GNAQ: variants seen among roughly 807,000 people sequenced by gnomAD.
GNAQ encodes guanine nucleotide-binding protein G(q) subunit alpha.
GNAQ carries 8 observed loss-of-function variants against 43.9 expected under a neutral mutation model. That is an observed-to-expected ratio of 0.18 (90% CI 0.11 to 0.33). GNAQ has a LOEUF of 0.33. GNAQ is among the 10% of genes least tolerant of loss of function. The pLI is 1.00. For synonymous variants in GNAQ, 155 were observed against 170.7 expected, an observed-to-expected ratio of 0.91 and a Z score of 0.71; for missense variants, 158 against 450.8, an observed-to-expected ratio of 0.35 and a Z score of 5.88.
chr9:78,016,202 C>G (rs1376573300), intron 1 of GNAQ, among the ~76,000 whole-genome samples: 22 of 152,076 alleles, frequency 1.4e-4, no homozygotes, highest in Admixed American at 1.4e-3. Context: ...CCATATGAGA[C>G]CAAAAAGCAG....
intron 5 of GNAQ, among the ~76,000 whole-genome samples, chr9:77,778,242 C>T (rs935655151): frequency 3.2e-4 from 47 of 146,632 alleles, no homozygotes; most frequent in Non-Finnish European, 5.8e-4. Context: ...CACACACACA[C>T]GTATTCCTCT....
intron 5 of GNAQ, among the ~76,000 whole-genome samples, chr9:77,755,169 A>G (rs1324648577): frequency 1.3e-5 from 2 of 152,236 alleles, no homozygotes; most frequent in Non-Finnish European, 2.9e-5. Context: ...CATTTGTAAG[A>G]GCTAAAAATT....
intron 1 of GNAQ, among the ~76,000 whole-genome samples, chr9:77,948,569 A>C (rs762521448): frequency 1.3e-5 from 2 of 152,176 alleles, no homozygotes; most frequent in Non-Finnish European, 2.9e-5. Context: ...AGGCCTGTGC[A>C]TGCAAGAATT....
At chr9:77,933,767 C>T (rs1250423923) in intron 1 of GNAQ, among the ~76,000 whole-genome samples, 3 of 152,112 alleles carry the variant, frequency 2.0e-5, no homozygotes, top group Non-Finnish European at 4.4e-5. Flanking sequence ...AGATTTTAAG[C>T]AGCGAGGACC....
intron 2 of GNAQ, among the ~76,000 whole-genome samples, chr9:77,866,249 G>A (rs976656593): frequency 3.3e-5 from 5 of 152,032 alleles, no homozygotes; most frequent in Non-Finnish European, 5.9e-5. Flanking sequence ...AGGCCAAGGC[G>A]GGCAGATCAT....
At chr9:77,911,682 G>C (rs1004212887) in intron 2 of GNAQ, among the ~76,000 whole-genome samples, 3 of 152,158 alleles carry the variant, frequency 2.0e-5, no homozygotes, top group African/African-American at 7.2e-5. Context: ...AAGGGATTCT[G>C]ATGCAAAATC....
At chr9:77,746,465 ATATAT>A (rs1236727141) in intron 5 of GNAQ, among the ~76,000 whole-genome samples, 5 of 152,164 alleles carry the variant, frequency 3.3e-5, no homozygotes, top group African/African-American at 1.2e-4. Context: ...AATGGAACTG[ATATAT>A]TATCTTATAT....
chr9:77,834,268 T>C (rs928491076), intron 2 of GNAQ, among the ~76,000 whole-genome samples: 2 of 152,218 alleles, frequency 1.3e-5, no homozygotes, highest in Non-Finnish European at 1.5e-5. Flanking sequence ...TGTTCTCTTG[T>C]AGTTTACAAC....
At chr9:77,832,976 T>C (rs1489053282) in intron 2 of GNAQ, among the ~76,000 whole-genome samples, 1 of 152,154 alleles carries the variant, frequency 6.6e-6, no homozygotes, top group South Asian at 2.1e-4. Context: ...TTTTATTTTA[T>C]TTTTTATTGA....
At position 77,919,904 on chromosome 9, in the gene GNAQ, G is replaced by A. The variant is rs576294951; in HGVS notation, c.321+2257C>T. Reference sequence around the variant, plus strand: ...TGCCTGTAATCCCAACACTTTGGGAGGCCGAAGCAGGCGGATCATGAAATC... The same window carrying A: ...TGCCTGTAATCCCAACACTTTGGGAAGCCGAAGCAGGCGGATCATGAAATC... On this transcript the variant is annotated intron_variant, in intron 2 of 6. Coordinates refer to ENST00000286548, the MANE Select transcript of GNAQ (RefSeq NM_002072.5). Among the ~76,000 whole-genome samples the A allele has an allele frequency of 1.1e-4, 17 of 152,262 alleles. No individual in the cohort carries two copies. The East Asian group carries it at 3.3e-3, about 29-fold the overall frequency.
At chr9:77,784,330 A>G (rs1050216778) in intron 5 of GNAQ, among the ~76,000 whole-genome samples, 5 of 152,182 alleles carry the variant, frequency 3.3e-5, no homozygotes, top group African/African-American at 1.2e-4. Flanking sequence ...ACCTTAAAAT[A>G]AAAGTTTAAT....
intron 1 of GNAQ, among the ~76,000 whole-genome samples, chr9:77,983,521 T>G (rs1823394722): frequency 6.6e-6 from 1 of 152,192 alleles, no homozygotes; most frequent in Non-Finnish European, 1.5e-5. Context: ...GAAGAGCCAT[T>G]TGCCTTATTC....
At chr9:77,762,636 G>A (rs1330922204) in intron 5 of GNAQ, among the ~76,000 whole-genome samples, 1 of 151,430 alleles carries the variant, frequency 6.6e-6, no homozygotes, top group African/African-American at 2.4e-5. Context: ...GATGACAATG[G>A]TGGTTTTGTG....
intron 2 of GNAQ, among the ~76,000 whole-genome samples, chr9:77,832,357 T>G (rs950097303): frequency 1.1e-4 from 16 of 152,292 alleles, no homozygotes; most frequent in Admixed American, 1.0e-3. Flanking sequence ...TGATACAAAG[T>G]AGATATCCGG....
chr9:77,993,878 G>A (rs530173837), intron 1 of GNAQ, among the ~76,000 whole-genome samples: 67 of 152,132 alleles, frequency 4.4e-4, no homozygotes, highest in Non-Finnish European at 8.8e-4. Flanking sequence ...GCTAAAATAG[G>A]TAATAAAATG....
chr9:77,849,873 C>T (rs1229283892), intron 2 of GNAQ, among the ~76,000 whole-genome samples: 1 of 152,142 alleles, frequency 6.6e-6, no homozygotes, highest in Non-Finnish European at 1.5e-5. Flanking sequence ...ATCATGTTGC[C>T]CAGGTTGGTC....
chr9:77,957,976 T>C (rs1240999260), intron 1 of GNAQ, among the ~76,000 whole-genome samples: 1 of 152,230 alleles, frequency 6.6e-6, no homozygotes, highest in East Asian at 1.9e-4. Flanking sequence ...CAAGATCAAA[T>C]ACTATATTAT....
intron 5 of GNAQ, among the ~76,000 whole-genome samples, chr9:77,761,518 C>G (rs1212721475): frequency 1.4e-5 from 2 of 140,974 alleles, no homozygotes; most frequent in Admixed American, 6.9e-5. Context: ...GCCCCCCGCC[C>G]GGCCAGCCGC....
chr9:77,873,308 A>G (rs903688996), intron 2 of GNAQ, among the ~76,000 whole-genome samples: 1 of 152,220 alleles, frequency 6.6e-6, no homozygotes, highest in Non-Finnish European at 1.5e-5. Flanking sequence ...TATTACATTT[A>G]TTATCATTTT....
Sources: allele counts gnomAD v4.1 joint callset (sites outside exome capture counted in the v4.1 genomes callset), GRCh38; gene constraint gnomAD v4.1.1; transcripts MANE v1.5; gene names NCBI Gene and HGNC (gene_info 2026-07-23, HGNC 2026-07-21).